Variants in TCF7 observed in about 807,000 individuals in gnomAD.
The protein encoded by TCF7 is T-cell-factor-7.
Under a neutral mutation model 46.8 loss-of-function variants are expected in TCF7, and 19 were observed. The observed-to-expected ratio is 0.41, with a 90% CI of 0.28 to 0.60. TCF7 has a LOEUF of 0.60. Ranked by LOEUF, TCF7 falls within the 20% of genes least tolerant of loss-of-function variation. The pLI, the probability that TCF7 is intolerant of heterozygous loss-of-function variation, is 0.35. For missense variants in TCF7, 547 were observed against 504.6 expected, an observed-to-expected ratio of 1.08 and a Z score of -0.81; for synonymous variants, 245 against 213.4, an observed-to-expected ratio of 1.15 and a Z score of -1.29.
chr5:134,144,478 GGCCCCTCTGCA>G (rs1760371614), intron 9 of TCF7: 1 of 374,420 alleles, frequency 2.7e-6, no homozygotes, highest in Non-Finnish European at 5.0e-6. Context: ...GTCTTCCTTG[GGCCCCTCTGCA>G]GCCTCCATGC....
Position 134,144,054 on chromosome 5 carries a change from T to C in TCF7, c.1075+414T>C, listed in dbSNP as rs573035224. The stretch of plus-strand genomic sequence containing the variant: ...GACTAGGCCCAGTAGACACACAGCC[T>C]ACTGGCTGGAGCCTGGCAATTTATC... On this transcript the variant is annotated intron_variant, in intron 9 of 9. Coordinates refer to ENST00000342854, the MANE Select transcript of TCF7 (RefSeq NM_003202.5). 1.5e-4 allele frequency: 26 copies of C among 178,820 alleles called. No homozygotes were observed. In the East Asian group the frequency reaches 3.2e-3, roughly 22 times the overall value. The allele number at this position is 178,820 out of a possible 1,614,324, so 11.1% of individuals were successfully genotyped here.
chr5:134,117,355 C>G lies in TCF7; in HGVS notation c.441+1322C>G, dbSNP rs144745105. Among the ~76,000 whole-genome samples, 45 of 152,294 alleles carry G rather than the reference C, an allele frequency of 3.0e-4. No homozygotes were observed. In the East Asian group the frequency reaches 8.3e-3, roughly 28 times the overall value. On this transcript the variant is annotated intron_variant, in intron 3 of 9. Coordinates refer to ENST00000342854, the MANE Select transcript of TCF7 (RefSeq NM_003202.5). ...TGTGAGCCCATGCTTAACAAAGATG[C>G]GTTTTGGATCCCTACAAGATGTAAA...
chr5:134,113,323 G>A (rs1215714203), upstream of TCF7, among the ~76,000 whole-genome samples: 1 of 152,242 alleles, frequency 6.6e-6, no homozygotes, highest in Non-Finnish European at 1.5e-5. Flanking sequence ...GGGGAGGGGG[G>A]TGTGGGGGCT....
At position 134,115,400 on chromosome 5, in the gene TCF7, C is replaced by T. The variant is rs1163542979; in HGVS notation, c.316+13C>T. 6.3e-7 allele frequency: 1 copy of T among 1,593,636 alleles called. No homozygotes were observed. Among genetic ancestry groups the T allele is most frequent in the South Asian group, 1.1e-5 (1 of 87,966 alleles). On this transcript the variant is annotated intron_variant, in intron 2 of 9. Coordinates refer to ENST00000342854, the MANE Select transcript of TCF7 (RefSeq NM_003202.5). ...CCCCTGGAGGACGGTGAGTTTCTGCCCGGCCCGGCTTCCCTTCGTCGCGCT... is the reference window on the plus strand; with the variant it reads ...CCCCTGGAGGACGGTGAGTTTCTGCTCGGCCCGGCTTCCCTTCGTCGCGCT...
chr5:134,145,597 C>T, intron 9 of TCF7: 1 of 829,486 alleles, frequency 1.2e-6, no homozygotes, highest in Non-Finnish European at 1.9e-6. Flanking sequence ...CTAAGGAACA[C>T]TTGTCCAGCC....
At chr5:134,144,798 C>T (rs2149360146) in intron 9 of TCF7, 1 of 1,614,138 alleles carries the variant, frequency 6.2e-7, no homozygotes, top group South Asian at 1.1e-5. Context: ...TGTGAGCAGA[C>T]CCTGGCTCGC....
intron 3 of TCF7, among the ~76,000 whole-genome samples, chr5:134,119,349 C>G (rs763718109): frequency 2.0e-5 from 3 of 151,960 alleles, no homozygotes; most frequent in Non-Finnish European, 4.4e-5. Context: ...GCCCAGGGAG[C>G]GACTGCTAAT....
chr5:134,145,999 A>G (rs1309016665), intron 9 of TCF7: 2 of 1,481,382 alleles, frequency 1.4e-6, no homozygotes, highest in South Asian at 2.7e-5. Context: ...GCCTAGTGAC[A>G]AAAGGCCCCT....
chr5:134,140,423 G>A, intron 5 of TCF7: 1 of 193,292 alleles, frequency 5.2e-6, no homozygotes, highest in South Asian at 7.9e-5. Flanking sequence ...ACTTAGCTAA[G>A]GAAGACCTGA....
chr5:134,145,570 C>A, intron 9 of TCF7: 1 of 680,934 alleles, frequency 1.5e-6, no homozygotes, highest in Non-Finnish European at 2.5e-6. Flanking sequence ...GTACTCCAGG[C>A]AGTAAGGCCA....
chr5:134,146,380 T>C lies in TCF7; in HGVS notation c.*77T>C. ...CCCGCTTCCCCACAGAACTGCTTAC[T>C]AGCCCTGCGGAGCCGGCACCTACAT... On this transcript the variant is annotated 3_prime_UTR_variant, in exon 10 of 10. Coordinates refer to ENST00000342854, the MANE Select transcript of TCF7 (RefSeq NM_003202.5). 1 of 1,566,716 alleles carries C rather than the reference T, an allele frequency of 6.4e-7. No homozygotes were observed. The highest frequency in any genetic ancestry group is 1.1e-5 in the South Asian group (1 of 90,118).
intron 9 of TCF7, 49 bp downstream of exon 9, chr5:134,143,689 T>G: frequency 1.2e-6 from 2 of 1,609,234 alleles, no homozygotes; most frequent in Non-Finnish European, 8.5e-7. Flanking sequence ...ATGTCCCCAT[T>G]TCAAGAGCAG....
intron 3 of TCF7, among the ~76,000 whole-genome samples, chr5:134,127,256 A>G (rs373474830): frequency 9.2e-5 from 14 of 152,134 alleles, no homozygotes; most frequent in African/African-American, 2.7e-4. Context: ...GTCAGGGATG[A>G]CCCCTTTCCT....
chr5:134,126,975 G>A (rs1201819433), intron 3 of TCF7, among the ~76,000 whole-genome samples: 2 of 152,140 alleles, frequency 1.3e-5, no homozygotes, highest in East Asian at 1.9e-4. Context: ...GGGAAACTGA[G>A]GCTCAGAGAG....
rs1760738060 is a variant in TCF7, at chr5:134,146,560, C to G, written c.*257C>G. On this transcript the variant is annotated 3_prime_UTR_variant, in exon 10 of 10. Transcript: ENST00000342854. ...CCTGGCCGCCTCCAGGAGCCTACCC[C>G]CTGAAAGTGACAGAGACCCAGATCT... The G allele has an allele frequency of 2.8e-6, 2 of 709,490 alleles. No homozygotes were observed. The highest frequency in any genetic ancestry group is 5.2e-6 in the Non-Finnish European group (2 of 383,424). The allele number at this position is 709,490 out of a possible 1,614,324, so 43.9% of individuals were successfully genotyped here. A position where few individuals can be genotyped will look rare whatever the true frequency, so the allele number is the denominator to read the frequency against.
intron 3 of TCF7, among the ~76,000 whole-genome samples, chr5:134,121,777 T>C (rs1055400888): frequency 3.3e-5 from 5 of 152,142 alleles, no homozygotes; most frequent in East Asian, 3.9e-4. Context: ...TCTGTACACA[T>C]CACTCTTTCG....
At chr5:134,140,256 C>T (rs187990148) in intron 5 of TCF7, among the ~76,000 whole-genome samples, 1 of 152,308 alleles carries the variant, frequency 6.6e-6, no homozygotes, top group Admixed American at 6.5e-5. Context: ...ATCGTTAGGT[C>T]CCTGCCCTCT....
chr5:134,121,605 CA>C (rs1005258876), intron 3 of TCF7, among the ~76,000 whole-genome samples: 1 of 148,862 alleles, frequency 6.7e-6, no homozygotes, highest in Non-Finnish European at 1.5e-5. Flanking sequence ...AAAAAAAATG[CA>C]AAAAACCCTC....
upstream of TCF7, among the ~76,000 whole-genome samples, chr5:134,114,308 C>G (rs1755492667): frequency 6.6e-6 from 1 of 152,024 alleles, no homozygotes; most frequent in South Asian, 2.1e-4. Context: ...AAGCACAGGG[C>G]GCATTGGAGC....
Sources: gnomAD v4.1 joint callset for allele counts (sites outside exome capture counted in the v4.1 genomes callset) on GRCh38, gnomAD v4.1.1 for gene constraint, MANE v1.5 for transcripts, NCBI Gene and HGNC (gene_info 2026-07-23, HGNC 2026-07-21) for gene names.